The following WNT2B variants were observed in gnomAD, a reference collection of about 807,000 sequenced individuals.
The protein encoded by WNT2B is protein Wnt-2b.
In WNT2B, 19 loss-of-function variants were observed where a neutral mutation model predicts 40.5. The ratio of observed to expected loss-of-function variants is 0.47; its 90% CI spans 0.33 to 0.69. WNT2B has a LOEUF of 0.69. Among genes scored for constraint, WNT2B ranks in the 30% least tolerant of loss-of-function variants. WNT2B has a pLI of 0.02. For missense variants in WNT2B, 467 were observed against 556.4 expected (o/e 0.84, Z 1.62); for synonymous variants, 220 against 211.9 (o/e 1.04, Z -0.33).
intron 1 of WNT2B, among the ~76,000 whole-genome samples, chr1:112,511,164 T>G (rs1380606606): frequency 6.7e-6 from 1 of 149,580 alleles, no homozygotes; most frequent in Non-Finnish European, 1.5e-5. Flanking sequence ...CTCTCCCTTT[T>G]CCTTTCTCCC....
At chr1:112,501,060 C>T (rs1318203446) in intron 1 of WNT2B, among the ~76,000 whole-genome samples, 1 of 152,134 alleles carries the variant, frequency 6.6e-6, no homozygotes, top group Non-Finnish European at 1.5e-5. Flanking sequence ...TCTCCTTAGG[C>T]GCCTCTTGGC....
rs769071043 is a variant in WNT2B, at chr1:112,514,897, G to A, written c.206G>A (p.Arg69Gln). The A allele has an allele frequency of 1.2e-5, 19 of 1,614,094 alleles. No individual in the cohort carries two copies. The highest frequency in any genetic ancestry group is 8.8e-5 in the South Asian group (8 of 91,086). ...SWWYIGALGA[R>Q]VICDNIPGLV... ...AGGTACATTGGGGCACTGGGGGCAC[G>A]AGTGATCTGTGACAATATCCCTGGT... Residue 69 changes from arginine to glutamine, a missense_variant, in exon 2 of 5, where the codon CGA becomes CAA. This residue lies in a region of WNT2B where 137 missense variants were observed against 117.7 expected (regional missense o/e 1.16). Coordinates refer to ENST00000369684, the MANE Select transcript of WNT2B (RefSeq NM_024494.3).
chr1:112,508,786 G>A (rs1290337247), upstream of WNT2B: 1 of 987,740 alleles, frequency 1.0e-6, no homozygotes. The surrounding 1 kb of genome is among the most constrained non-coding windows in gnomAD (Gnocchi z 4.2). Flanking sequence ...GGGAGCAGGT[G>A]GGGGTGCAGC....
chr1:112,494,558 G>A (rs1651709273), intron 1 of WNT2B, among the ~76,000 whole-genome samples: 1 of 151,296 alleles, frequency 6.6e-6, no homozygotes, highest in South Asian at 2.1e-4. Flanking sequence ...TTTTTGTAGA[G>A]ACAAAGTCTC....
At chr1:112,495,699 AC>A (rs548495377) in intron 1 of WNT2B, among the ~76,000 whole-genome samples, 131 of 152,378 alleles carry the variant, frequency 8.6e-4, no homozygotes, top group Admixed American at 2.7e-3. Context: ...ATAAGACCCA[AC>A]AATATCTGTT....
rs1001441288 is a variant in WNT2B at position 112,510,196 on chromosome 1, G to A, written c.182+752G>A. On this transcript the variant is annotated intron_variant, in intron 1 of 4. Transcript: ENST00000369684. ...CTAGACTCCAGACACTTCACAAGAG[G>A]GCAGATGAGGCAAAAAGGCATTACA... Among the ~76,000 whole-genome samples the A allele has an allele frequency of 9.9e-5, 15 of 151,642 alleles. 1 individual carries two copies. The highest frequency in any genetic ancestry group is 3.3e-4 in the Admixed American group (5 of 15,240).
At chr1:112,510,162 T>C (rs1652299139) in intron 1 of WNT2B, among the ~76,000 whole-genome samples, 2 of 151,818 alleles carry the variant, frequency 1.3e-5, no homozygotes, top group African/African-American at 4.8e-5. Context: ...CCCAGATTTC[T>C]TGCAGGCCCT....
At chr1:112,502,051 T>C (rs919309510) in intron 1 of WNT2B, among the ~76,000 whole-genome samples, 2 of 152,230 alleles carry the variant, frequency 1.3e-5, no homozygotes, top group Non-Finnish European at 2.9e-5. Context: ...GCCCGGAATC[T>C]TGGCTAAAGC....
At chr1:112,474,506 C>T (rs1650997862) in intron 1 of WNT2B, among the ~76,000 whole-genome samples, 1 of 152,124 alleles carries the variant, frequency 6.6e-6, no homozygotes, top group Non-Finnish European at 1.5e-5. Context: ...GATGAACAAA[C>T]ATAAAAGAAC....
rs1020472545 is a variant in WNT2B at position 112,522,980 on chromosome 1, C to G, written c.*2471C>G. 6.6e-6 allele frequency: 1 copy of G among 152,162 alleles called. No homozygotes were observed. The highest frequency in any genetic ancestry group is 2.4e-5 in the African/African-American group (1 of 41,410). 9.4% of individuals were successfully genotyped at this position (152,162 alleles called of 1,614,324 possible). On this transcript the variant is annotated 3_prime_UTR_variant, in exon 5 of 5. Coordinates refer to ENST00000369684, the MANE Select transcript of WNT2B (RefSeq NM_024494.3). ...GGGGTCATGGTCAGTCTGAACTCAA[C>G]AATAGGGCTGAATGAATTTACCAAA...
At chr1:112,497,509 G>C (rs559372063) in intron 1 of WNT2B, among the ~76,000 whole-genome samples, 1 of 152,290 alleles carries the variant, frequency 6.6e-6, no homozygotes, top group South Asian at 2.1e-4. Context: ...AGGTCTCACA[G>C]GTGCCCTAGG....
chr1:112,478,604 T>C (rs903916804), intron 1 of WNT2B, among the ~76,000 whole-genome samples: 1 of 152,054 alleles, frequency 6.6e-6, no homozygotes, highest in Admixed American at 6.6e-5. Flanking sequence ...AAGAATACTA[T>C]TCCTAGAAAA....
In WNT2B at chr1:112,516,342, C is replaced by T; in HGVS notation, c.606C>T (p.Phe202=). The part of the protein sequence containing the change: ...IHYGVRFAKA[F]VDAKEKRLKD... ...ACGGTGTCCGTTTTGCCAAGGCCTT[C>T]GTGGATGCCAAGGAGAAGAGGCTTA... is the stretch of plus-strand genomic sequence containing the variant. Residue 202 remains phenylalanine, a synonymous_variant, in exon 3 of 5, where the codon TTC becomes TTT. Coordinates refer to ENST00000369684, the MANE Select transcript of WNT2B (RefSeq NM_024494.3). 5.6e-6 allele frequency: 9 copies of T among 1,614,004 alleles called. No homozygotes were observed. Among genetic ancestry groups the T allele is most frequent in the Non-Finnish European group, 7.6e-6 (9 of 1,180,016 alleles).
intron 1 of WNT2B, among the ~76,000 whole-genome samples, chr1:112,482,349 A>T (rs1352597656): frequency 3.9e-5 from 6 of 152,030 alleles, no homozygotes; most frequent in Non-Finnish European, 5.9e-5. Flanking sequence ...ACATAAAAAA[A>T]TTTTGAGACA....
intron 4 of WNT2B, chr1:112,517,928 G>C (rs1389958997): frequency 6.4e-6 from 1 of 155,608 alleles, no homozygotes; most frequent in Admixed American, 6.2e-5. Context: ...TCTTATCAGA[G>C]AGTAGTAGGT....
chr1:112,482,819 G>A lies in WNT2B; in HGVS notation c.-95+15228G>A, dbSNP rs116202584. 1.8e-4 allele frequency among the ~76,000 whole-genome samples: 28 copies of A among 152,196 alleles called. No homozygotes were observed. The East Asian group carries it at 3.1e-3, about 17-fold the overall frequency. ...ATTATAGATAAATGAAAAAGATATC[G>A]CATGTCCATAGATTGAAAAAATATT... On this transcript the variant is annotated intron_variant, in intron 1 of 4. Transcript: ENST00000256640.
At chr1:112,470,778 G>A (rs1650857420) in intron 1 of WNT2B, among the ~76,000 whole-genome samples, 1 of 152,110 alleles carries the variant, frequency 6.6e-6, no homozygotes, top group Non-Finnish European at 1.5e-5. Context: ...CTGCATTTGT[G>A]TGGGTGTGGG....
chr1:112,514,368 C>T (rs3790609), intron 1 of WNT2B, among the ~76,000 whole-genome samples: 23,085 of 152,100 alleles, frequency 0.15, 2,080 homozygotes, highest in Admixed American at 0.24. Context: ...ACTCAGATTG[C>T]TCACTATGTC....
chr1:112,470,827 C>T (rs1307160337), intron 1 of WNT2B, among the ~76,000 whole-genome samples: 1 of 152,080 alleles, frequency 6.6e-6, no homozygotes, highest in Non-Finnish European at 1.5e-5. Flanking sequence ...GAAGGAATTC[C>T]ACTTTCCGAT....
Sources: gnomAD v4.1 joint callset for allele counts (sites outside exome capture counted in the v4.1 genomes callset) on GRCh38, gnomAD v4.1.1 for gene constraint, gnomAD v4.1.1 regional missense constraint, Gnocchi (gnomAD v3.1) non-coding constraint, MANE v1.5 for transcripts, NCBI Gene and HGNC (gene_info 2026-07-23, HGNC 2026-07-21) for gene names.